RPTOR: variants seen among roughly 807,000 people sequenced by gnomAD.
The protein encoded by RPTOR is regulatory associated protein of MTOR complex 1, also known as regulatory-associated protein of mTOR.
RPTOR carries 21 observed loss-of-function variants against 169.9 expected under a neutral mutation model. The observed-to-expected ratio is 0.12, with a 90% CI of 0.09 to 0.18. RPTOR has a LOEUF of 0.18. Ranked by LOEUF, RPTOR falls within the 10% of genes least tolerant of loss-of-function variation. The probability of loss-of-function intolerance (pLI) is 1.00; values close to 1 mark genes in which losing one functional copy is unlikely to be tolerated. For missense variants in RPTOR, 1,133 were observed against 1,855.9 expected (o/e 0.61, Z 7.16); for synonymous variants, 732 against 753.2 (o/e 0.97, Z 0.46).
At chr17:80,749,499 G>A (rs796206479) in intron 5 of RPTOR, among the ~76,000 whole-genome samples, 35 of 96,912 alleles carry the variant, frequency 3.6e-4, no homozygotes, top group Admixed American at 7.2e-4. Flanking sequence ...GTGTGTGTTT[G>A]GAGGCCGTGG....
intron 1 of RPTOR, among the ~76,000 whole-genome samples, chr17:80,612,912 T>A (rs1000033648): frequency 1.3e-5 from 2 of 152,182 alleles, no homozygotes; most frequent in African/African-American, 4.8e-5. Context: ...AAGGCCATAA[T>A]GTGGATGGAA....
At chr17:80,684,649 G>A (rs1179676018) in intron 3 of RPTOR, among the ~76,000 whole-genome samples, 2 of 151,998 alleles carry the variant, frequency 1.3e-5, no homozygotes, top group African/African-American at 4.8e-5. Flanking sequence ...GTTTCACCGT[G>A]TTAGCCAGGA....
intron 5 of RPTOR, among the ~76,000 whole-genome samples, chr17:80,735,306 G>A (rs1166552446): frequency 6.6e-6 from 1 of 152,156 alleles, no homozygotes; most frequent in East Asian, 1.9e-4. Flanking sequence ...CCTTGCAGTG[G>A]ATGAGTAGAT....
intron 5 of RPTOR, among the ~76,000 whole-genome samples, chr17:80,749,736 AT>A (rs1426794271): frequency 1.3e-5 from 2 of 152,130 alleles, no homozygotes; most frequent in Non-Finnish European, 2.9e-5. Context: ...GTCTTTAGAG[AT>A]GGCTTTGCTC....
chr17:80,668,058 G>A lies in RPTOR; in HGVS notation c.348+24248G>A, dbSNP rs146809562. On this transcript the variant is annotated intron_variant, in intron 3 of 33. Transcript: ENST00000306801. ...TGCACAGAGGAAACGTCTGGTTTCAGGCGCGGGCATCTAACCTGCCCTGTT... is the reference window on the plus strand; with the variant it reads ...TGCACAGAGGAAACGTCTGGTTTCAAGCGCGGGCATCTAACCTGCCCTGTT... Among the ~76,000 whole-genome samples, 1,033 of 152,276 alleles carry A rather than the reference G, an allele frequency of 6.8e-3. 11 individuals carry two copies. Among genetic ancestry groups the A allele is most frequent in the African/African-American group, 0.024 (988 of 41,550 alleles).
rs2066175839 is a variant in RPTOR, at chr17:80,710,166, TG to T, written c.507+2168del. Among the ~76,000 whole-genome samples, 7 of 152,182 alleles carry T rather than the reference TG, an allele frequency of 4.6e-5. No individual in the cohort carries two copies. In the South Asian group the frequency reaches 1.2e-3, roughly 27 times the overall value. ...TAAGTTTTGTATTTTTGCTAATTTT[TG>T]TATTTTTTGTAGAGCCAGGGTCTTG... On this transcript the variant is annotated intron_variant, in intron 4 of 33. Coordinates refer to ENST00000306801, the MANE Select transcript of RPTOR (RefSeq NM_020761.3).
intron 3 of RPTOR, among the ~76,000 whole-genome samples, chr17:80,693,991 G>A (rs1244759803): frequency 6.6e-6 from 1 of 152,248 alleles, no homozygotes; most frequent in Non-Finnish European, 1.5e-5. Context: ...TGGTCTGAAC[G>A]GAGAGGGACA....
At chr17:80,937,074 G>A (rs1053589750) in intron 24 of RPTOR, among the ~76,000 whole-genome samples, 3 of 152,144 alleles carry the variant, frequency 2.0e-5, no homozygotes, top group African/African-American at 7.2e-5. Context: ...CTAAACCGTG[G>A]GGAAAATAAT....
chr17:80,640,557 G>A (rs922594388), intron 2 of RPTOR, among the ~76,000 whole-genome samples: 12 of 152,230 alleles, frequency 7.9e-5, no homozygotes, highest in Non-Finnish European at 1.8e-4. Context: ...CTGGTGAGCA[G>A]CTGACAGTGG....
Position 80,878,490 on chromosome 17 carries a change from G to A in RPTOR, c.1510-1925G>A, listed in dbSNP as rs2068148251. On this transcript the variant is annotated intron_variant, in intron 13 of 33. Transcript: ENST00000306801. This position sits in a 1 kb window ranked among gnomAD's most constrained non-coding sequence, Gnocchi z 4.1. Reference sequence around the variant, plus strand: ...GCCTCCCGAGTAGCTGGGACTACAGGCACGCACCACCACACCCTGCTAATT... The same window carrying A: ...GCCTCCCGAGTAGCTGGGACTACAGACACGCACCACCACACCCTGCTAATT... Among the ~76,000 whole-genome samples, 1 of 152,048 alleles carries A rather than the reference G, an allele frequency of 6.6e-6. No individual in the cohort carries two copies. The highest frequency in any genetic ancestry group is 1.5e-5 in the Non-Finnish European group (1 of 68,012).
At chr17:80,955,946 C>T (rs770087609) in intron 28 of RPTOR, among the ~76,000 whole-genome samples, 15 of 152,186 alleles carry the variant, frequency 9.9e-5, no homozygotes, top group Non-Finnish European at 1.8e-4. Context: ...TGGAAGGTAA[C>T]GCAAGATTAA....
intron 1 of RPTOR, among the ~76,000 whole-genome samples, chr17:80,554,080 G>A (rs114409989): frequency 0.018 from 2,782 of 151,366 alleles, 89 homozygotes; most frequent in African/African-American, 0.065. Context: ...ATTTTTTGTT[G>A]TTATTTGTTT....
At position 80,722,777 on chromosome 17, in the gene RPTOR, C is replaced by T. The variant is rs34084509; in HGVS notation, c.508-7783C>T. ...AACCTCTTACATGACCTCAGCACAGCGATCAAATCTAGGAAACATATGTTG... is the reference window on the plus strand; with the variant it reads ...AACCTCTTACATGACCTCAGCACAGTGATCAAATCTAGGAAACATATGTTG... On this transcript the variant is annotated intron_variant, in intron 4 of 33. Transcript: ENST00000306801. 4.6e-3 allele frequency among the ~76,000 whole-genome samples: 701 copies of T among 151,302 alleles called. 50 individuals are homozygous for T. Among genetic ancestry groups the T allele is most frequent in the African/African-American group, 0.016 (662 of 40,610 alleles).
intron 20 of RPTOR, among the ~76,000 whole-genome samples, chr17:80,904,581 T>A (rs2068517702): frequency 6.6e-6 from 1 of 152,126 alleles, no homozygotes; most frequent in African/African-American, 2.4e-5. Flanking sequence ...GACATGAAAA[T>A]AGGTTCTCCG....
chr17:80,641,305 T>A (rs753354278), intron 2 of RPTOR, among the ~76,000 whole-genome samples: 1 of 152,250 alleles, frequency 6.6e-6, no homozygotes, highest in Admixed American at 6.5e-5. Context: ...ACCAAGCTTT[T>A]CTCAGCCAGA....
At chr17:80,922,002 A>G (rs902613597) in intron 21 of RPTOR, among the ~76,000 whole-genome samples, 12 of 152,196 alleles carry the variant, frequency 7.9e-5, no homozygotes, top group African/African-American at 2.9e-4. Context: ...GCCCCGTCAC[A>G]GTCCAGGCAG....
chr17:80,747,477 G>A (rs370380977), intron 5 of RPTOR, among the ~76,000 whole-genome samples: 6 of 152,170 alleles, frequency 3.9e-5, no homozygotes, highest in East Asian at 1.9e-4. Context: ...AAATAGGTGG[G>A]GTTTCTGTCA....
chr17:80,862,022 T>C (rs2067922262), intron 13 of RPTOR, among the ~76,000 whole-genome samples: 1 of 152,172 alleles, frequency 6.6e-6, no homozygotes, highest in South Asian at 2.1e-4. Context: ...AACGTGGCCA[T>C]GAGCACGGAG....
chr17:80,896,444 ATG>A (rs1567974690), intron 20 of RPTOR, among the ~76,000 whole-genome samples: 2 of 63,292 alleles, frequency 3.2e-5, no homozygotes, highest in Admixed American at 1.4e-4. Flanking sequence ...CCCCACGGCC[ATG>A]CCGACACCCC....
Sources: allele counts gnomAD v4.1 joint callset (sites outside exome capture counted in the v4.1 genomes callset), GRCh38; gene constraint gnomAD v4.1.1; non-coding constraint Gnocchi (gnomAD v3.1); transcripts MANE v1.5; gene names NCBI Gene and HGNC (gene_info 2026-07-23, HGNC 2026-07-21).